GALNT13: variants seen among roughly 807,000 people sequenced by gnomAD.
GALNT13 encodes the protein polypeptide N-acetylgalactosaminyltransferase 13, also known as UDP-GalNAc:polypeptide N-acetylgalactosaminyltransferase 13.
Under a neutral mutation model 64.2 loss-of-function variants are expected in GALNT13, and 28 were observed. The observed-to-expected ratio is 0.44, with a 90% CI of 0.32 to 0.60. GALNT13 has a LOEUF of 0.60. Among genes scored for constraint, GALNT13 ranks in the 20% least tolerant of loss-of-function variants. The pLI is 0.05. For synonymous variants in GALNT13, 214 were observed against 224.6 expected (o/e 0.95, Z 0.42); for missense variants, 577 against 669.8 (o/e 0.86, Z 1.53).
intron 2 of GALNT13, among the ~76,000 whole-genome samples, chr2:153,925,249 C>A (rs1690041247): frequency 6.6e-6 from 1 of 152,012 alleles, no homozygotes; most frequent in Non-Finnish European, 1.5e-5. Flanking sequence ...AGGAAGGGGT[C>A]CAGTTTCAAT....
intron 9 of GALNT13, among the ~76,000 whole-genome samples, chr2:154,356,097 A>C (rs935233897): frequency 1.2e-4 from 18 of 152,028 alleles, no homozygotes; most frequent in African/African-American, 4.1e-4. Context: ...TTTGATCACT[A>C]TTCTATTGGT....
chr2:153,870,337 G>A (rs1558824353), upstream of GALNT13, among the ~76,000 whole-genome samples: 1 of 152,080 alleles, frequency 6.6e-6, no homozygotes, highest in Non-Finnish European at 1.5e-5. Flanking sequence ...TTTAAGAGAT[G>A]AAACATGTAA....
chr2:154,300,319 T>C (rs1421464748), intron 8 of GALNT13, among the ~76,000 whole-genome samples: 1 of 151,808 alleles, frequency 6.6e-6, no homozygotes, highest in Non-Finnish European at 1.5e-5. Flanking sequence ...GTCAGGCTGG[T>C]CTCAAACTCC....
the GALNT13 span, among the ~76,000 whole-genome samples, chr2:153,366,226 A>G: frequency 6.6e-6 from 1 of 152,018 alleles, no homozygotes; most frequent in Non-Finnish European, 1.5e-5. Flanking sequence ...GGAACAACAC[A>G]CTGAGGCCTG....
the GALNT13 span, among the ~76,000 whole-genome samples, chr2:153,211,161 C>T: frequency 1.3e-5 from 2 of 151,192 alleles, no homozygotes; most frequent in South Asian, 2.1e-4. Context: ...GTTGTTGAGA[C>T]AGAGTCTTGC....
At chr2:153,484,051 A>G in the GALNT13 span, among the ~76,000 whole-genome samples, 5,641 of 152,306 alleles carry the variant, frequency 0.037, 142 homozygotes, top group Non-Finnish European at 0.053. Flanking sequence ...CTTTACCACA[A>G]TAAAATATTC....
At chr2:153,630,811 T>TTA in the GALNT13 span, among the ~76,000 whole-genome samples, 3 of 25,834 alleles carry the variant, frequency 1.2e-4, no homozygotes, top group Non-Finnish European at 1.6e-4. Context: ...ATATATATTT[T>TTA]TTTTTTTTTT....
intron 8 of GALNT13, among the ~76,000 whole-genome samples, chr2:154,296,052 C>T (rs1196826538): frequency 6.6e-6 from 1 of 152,186 alleles, no homozygotes; most frequent in Non-Finnish European, 1.5e-5. Flanking sequence ...TTTCACCCAA[C>T]TGCCTTTCTC....
At chr2:153,097,813 G>A in the GALNT13 span, among the ~76,000 whole-genome samples, 44,334 of 152,030 alleles carry the variant, frequency 0.29, 7,045 homozygotes, top group Non-Finnish European at 0.37. Context: ...GCTCAAGCCT[G>A]TAAGCCCTTT....
the GALNT13 span, among the ~76,000 whole-genome samples, chr2:153,094,510 C>T: frequency 6.6e-6 from 1 of 152,178 alleles, no homozygotes; most frequent in Non-Finnish European, 1.5e-5. Context: ...CTACCAATGA[C>T]TTTCTTCACA....
chr2:153,160,557 C>G, the GALNT13 span, among the ~76,000 whole-genome samples: 2 of 152,062 alleles, frequency 1.3e-5, no homozygotes, highest in African/African-American at 4.8e-5. Context: ...GAATGTAGGT[C>G]ATGAACTTAT....
At chr2:153,838,315 A>T in the GALNT13 span, among the ~76,000 whole-genome samples, 1 of 151,914 alleles carries the variant, frequency 6.6e-6, no homozygotes, top group East Asian at 1.9e-4. Context: ...TATCCAAAAA[A>T]GCATTGTCCA....
the GALNT13 span, among the ~76,000 whole-genome samples, chr2:153,380,377 G>A: frequency 1.3e-5 from 2 of 152,054 alleles, no homozygotes; most frequent in Non-Finnish European, 2.9e-5. Flanking sequence ...GGAGGTTGAG[G>A]CAGAAGATTG....
At chr2:153,658,197 C>G in the GALNT13 span, among the ~76,000 whole-genome samples, 2 of 152,088 alleles carry the variant, frequency 1.3e-5, no homozygotes, top group Non-Finnish European at 2.9e-5. Flanking sequence ...TACCTTCTGG[C>G]CAAGTTATCC....
At chr2:154,102,497 T>C (rs1442431787) in intron 3 of GALNT13, among the ~76,000 whole-genome samples, 1 of 152,034 alleles carries the variant, frequency 6.6e-6, no homozygotes, top group Non-Finnish European at 1.5e-5. Flanking sequence ...ATGAGAATAG[T>C]ATAATGGACT....
the GALNT13 span, among the ~76,000 whole-genome samples, chr2:153,723,647 C>A: frequency 6.6e-6 from 1 of 152,026 alleles, no homozygotes; most frequent in East Asian, 1.9e-4. Flanking sequence ...ACAAGCATTC[C>A]TATACACCAA....
In GALNT13 at chr2:154,438,623, G is replaced by T. The variant is rs148805770; in HGVS notation, c.1427G>T (p.Arg476Leu). 1.2e-6 allele frequency: 2 copies of T among 1,612,028 alleles called. No homozygotes were observed. Among genetic ancestry groups the T allele is most frequent in the Middle Eastern group, 1.7e-4 (1 of 6,046 alleles). Residue 476 changes from arginine to leucine, a missense_variant, in exon 12 of 13, where the codon CGA (arginine) becomes CTA (leucine). Around this residue, in one of 3 missense-constraint regions of GALNT13, gnomAD observed 232 missense variants for 270.6 expected, o/e 0.86. Transcript: ENST00000392825. ...VFSYTADKEIRTDDLCLDVSR... is the reference protein window; with the variant it reads ...VFSYTADKEILTDDLCLDVSR... Reference sequence around the variant, plus strand: ...TCTTACACTGCTGACAAAGAAATCCGAACCGATGACTTGTGCTTGGATGTT... The same window carrying T: ...TCTTACACTGCTGACAAAGAAATCCTAACCGATGACTTGTGCTTGGATGTT...
At chr2:154,338,054 G>A (rs1382879374) in intron 9 of GALNT13, among the ~76,000 whole-genome samples, 1 of 152,072 alleles carries the variant, frequency 6.6e-6, no homozygotes, top group Non-Finnish European at 1.5e-5. Context: ...CTTTTCTAGA[G>A]CAATGCTGTG....
chr2:154,191,934 C>T (rs992955604), intron 4 of GALNT13, among the ~76,000 whole-genome samples: 1 of 152,170 alleles, frequency 6.6e-6, no homozygotes, highest in African/African-American at 2.4e-5. Flanking sequence ...CCCAGGGTTT[C>T]TTGCCTTGGT....
Sources: gnomAD v4.1 joint callset for allele counts (sites outside exome capture counted in the v4.1 genomes callset) on GRCh38, gnomAD v4.1.1 for gene constraint, gnomAD v4.1.1 regional missense constraint, MANE v1.5 for transcripts, NCBI Gene and HGNC (gene_info 2026-07-23, HGNC 2026-07-21) for gene names.